Variants in ACOX2 observed in about 807,000 individuals in gnomAD.
ACOX2 encodes peroxisomal acyl-coenzyme A oxidase 2.
In ACOX2, 59 loss-of-function variants were observed where a neutral mutation model predicts 77.5. The ratio of observed to expected loss-of-function variants is 0.76; its 90% CI spans 0.62 to 0.95. The LOEUF (loss-of-function observed/expected upper bound fraction) is 0.95. Among genes scored for constraint, ACOX2 ranks in the 40% least tolerant of loss-of-function variants. The probability of loss-of-function intolerance (pLI) is 0.00; values close to 1 mark genes in which losing one functional copy is unlikely to be tolerated. For missense variants in ACOX2, 837 were observed against 880.4 expected (o/e 0.95, Z 0.62); for synonymous variants, 317 against 340.1 (o/e 0.93, Z 0.75).
chr3:58,525,945 G>A lies in ACOX2; in HGVS notation c.1346+521C>T, dbSNP rs1022331600. 1.3e-5 allele frequency among the ~76,000 whole-genome samples: 2 copies of A among 151,914 alleles called. No homozygotes were observed. Among genetic ancestry groups the A allele is most frequent in the Admixed American group, 6.6e-5 (1 of 15,266 alleles). ...GGCAGGAGAATTGCTTGAACCCGGC[G>A]GGCAGAGGTTGCAGTGAGCCGAGAT... is the stretch of plus-strand genomic sequence containing the variant. On this transcript the variant is annotated intron_variant, in intron 10 of 14. Transcript: ENST00000302819. This position sits in a 1 kb window ranked among gnomAD's most constrained non-coding sequence, Gnocchi z 5.0.
In ACOX2 at chr3:58,531,261, C is replaced by T. The variant is rs1325449524; in HGVS notation, c.809G>A (p.Arg270His). ...CCCCAGATCTGTAACCTGTGCAAAG[C>T]GACTCAGCATGTTCTCCCTGGGGAC... Reference protein sequence around the residue: ...VRVPRENMLSRFAQVLPDGTY... With the variant: ...VRVPRENMLSHFAQVLPDGTY... The change falls in exon 7 of 15, where the codon CGC becomes CAC. Residue 270 changes from arginine (R) to histidine (H), a missense_variant. Coordinates refer to ENST00000302819, the MANE Select transcript of ACOX2 (RefSeq NM_003500.4). This position sits in a 1 kb window ranked among gnomAD's most constrained non-coding sequence, Gnocchi z 5.8. 24 of 1,612,416 alleles carry T rather than the reference C, an allele frequency of 1.5e-5. No individual in the cohort carries two copies. Among genetic ancestry groups the T allele is most frequent in the Non-Finnish European group, 1.7e-5 (20 of 1,179,862 alleles).
chr3:58,520,778 G>A (rs1318707900), intron 12 of ACOX2, among the ~76,000 whole-genome samples: 1 of 152,176 alleles, frequency 6.6e-6, no homozygotes, highest in Admixed American at 6.5e-5. Flanking sequence ...AAGCTGTCAG[G>A]GACGTGTTCT....
chr3:58,517,224 T>A lies in ACOX2; in HGVS notation c.1832A>T (p.Asp611Val). 1 of 1,613,984 alleles carries A rather than the reference T, an allele frequency of 6.2e-7. No individual in the cohort carries two copies. Among genetic ancestry groups the A allele is most frequent in the South Asian group, 1.1e-5 (1 of 91,056 alleles). ...CACTCACCGGATCAGGCGGAGCAGG[T>A]CCAGGTAGGCTGTTCTTGCCATGTC... ...QVDMARTAYLDLLRLIRKDAI... is the reference protein window; with the variant it reads ...QVDMARTAYLVLLRLIRKDAI... The change falls in exon 13 of 15, where the codon GAC becomes GTC. Residue 611 changes from aspartate (D) to valine (V), a missense_variant. Asp to Val is a radical substitution (Grantham distance 152, BLOSUM62 -3). Transcript: ENST00000302819.
Position 58,533,379 on chromosome 3 carries a change from C to T in ACOX2, c.583+66G>A. On this transcript the variant is annotated intron_variant, in intron 5 of 14. Transcript: ENST00000302819. The surrounding 1 kb of genome is among the most constrained non-coding windows in gnomAD (Gnocchi z 5.6). The stretch of plus-strand genomic sequence containing the variant: ...GGTCTGTTGGACCTCAAAGCCAGTG[C>T]TACTCTGCCCTCCAACATTCTTCTA... 1.4e-6 allele frequency: 2 copies of T among 1,438,948 alleles called. No homozygotes were observed. Among genetic ancestry groups the T allele is most frequent in the Non-Finnish European group, 1.9e-6 (2 of 1,027,670 alleles). 89.1% of individuals were successfully genotyped at this position (1,438,948 alleles called of 1,614,324 possible). A position where few individuals can be genotyped will look rare whatever the true frequency, so the allele number is the denominator to read the frequency against.
chr3:58,517,104 T>C (rs2063326269), intron 13 of ACOX2, 102 bp downstream of exon 13: 2 of 1,237,882 alleles, frequency 1.6e-6, no homozygotes, highest in African/African-American at 3.0e-5. Flanking sequence ...GGGCTGTTGC[T>C]GCTCTGCCCA....
At position 58,505,774 on chromosome 3, in the gene ACOX2, G is replaced by T. The variant is rs2063229810; in HGVS notation, c.1984-488C>A. Among the ~76,000 whole-genome samples, 1 of 151,056 alleles carries T rather than the reference G, an allele frequency of 6.6e-6. No individual in the cohort carries two copies. Among genetic ancestry groups the T allele is most frequent in the Non-Finnish European group, 1.5e-5 (1 of 67,862 alleles). On this transcript the variant is annotated intron_variant, in intron 14 of 14. Coordinates refer to ENST00000302819, the MANE Select transcript of ACOX2 (RefSeq NM_003500.4). The surrounding 1 kb of genome is among the most constrained non-coding windows in gnomAD (Gnocchi z 4.4). ...GTGCCTGTCTACACTAAAACTGTAA[G>T]CTCCTCGAACACTGGGCTTTTGACT...
chr3:58,525,181 G>C lies in ACOX2; in HGVS notation c.1347-576C>G, dbSNP rs981037525. On this transcript the variant is annotated intron_variant, in intron 10 of 14. Coordinates refer to ENST00000302819, the MANE Select transcript of ACOX2 (RefSeq NM_003500.4). This position sits in a 1 kb window ranked among gnomAD's most constrained non-coding sequence, Gnocchi z 5.0. ...GAGGACAGTTCTCATCTGATTGAGG[G>C]TTTGTGAAATGGAATGAGATGATAT... Among the ~76,000 whole-genome samples the C allele has an allele frequency of 6.6e-6, 1 of 152,144 alleles. No individual in the cohort carries two copies. The highest frequency in any genetic ancestry group is 6.5e-5 in the Admixed American group (1 of 15,288).
intron 8 of ACOX2, chr3:58,529,178 C>T (rs1182972796): frequency 1.9e-5 from 8 of 415,046 alleles, no homozygotes; most frequent in Non-Finnish European, 2.9e-5. Flanking sequence ...GGGTACTGCC[C>T]CTTGTTAAGG....
Position 58,526,811 on chromosome 3 carries a change from G to T in ACOX2, c.1156-155C>A. The T allele has an allele frequency of 1.2e-6, 1 of 800,342 alleles. No homozygotes were observed. The highest frequency in any genetic ancestry group is 1.8e-5 in the South Asian group (1 of 54,314). 49.6% of individuals were successfully genotyped at this position (800,342 alleles called of 1,614,324 possible). A position where few individuals can be genotyped will look rare whatever the true frequency, so the allele number is the denominator to read the frequency against. On this transcript the variant is annotated intron_variant, in intron 9 of 14. Coordinates refer to ENST00000302819, the MANE Select transcript of ACOX2 (RefSeq NM_003500.4). This position sits in a 1 kb window ranked among gnomAD's most constrained non-coding sequence, Gnocchi z 4.3. The stretch of plus-strand genomic sequence containing the variant: ...CACAACTTTATGAATGAGAAGGCGG[G>T]TACTCAGCTTATGTGACTCACCCAG...
intron 14 of ACOX2, among the ~76,000 whole-genome samples, chr3:58,508,270 C>G (rs1365129177): frequency 1.3e-5 from 2 of 152,138 alleles, no homozygotes; most frequent in African/African-American, 4.8e-5. Flanking sequence ...ATGTAGAGTT[C>G]TGGTGTGCTC....
Position 58,526,014 on chromosome 3 carries a change from C to T in ACOX2, c.1346+452G>A, listed in dbSNP as rs556687640. 7.1e-6 allele frequency among the ~76,000 whole-genome samples: 1 copy of T among 141,194 alleles called. No individual in the cohort carries two copies. The highest frequency in any genetic ancestry group is 2.0e-4 in the East Asian group (1 of 4,882). 92.6% of individuals were successfully genotyped at this position (141,194 alleles called of 152,430 possible). On this transcript the variant is annotated intron_variant, in intron 10 of 14. Coordinates refer to ENST00000302819, the MANE Select transcript of ACOX2 (RefSeq NM_003500.4). The surrounding 1 kb of genome is among the most constrained non-coding windows in gnomAD (Gnocchi z 4.3). ...CCTGGGTGACAGTGAGACTCCATCT[C>T]AAAAAAAAAAAGAAGAAGAAGAAGT...
rs1290786871 is a variant in ACOX2, at chr3:58,526,635, T to A, written c.1177A>T (p.Met393Leu). ...CAGAATTCTGACATCATGGCCTTCA[T>A]GCCCGTGCTCAGTGCGTGGAGCTGT... The part of the protein sequence containing the change: ...LPELHALSTG[M>L]KAMMSEFCTQ... The change falls in exon 10 of 15, where the codon ATG becomes TTG. Residue 393 changes from methionine to leucine, a missense_variant. Physicochemically the swap from Met to Leu is conservative, Grantham distance 15. Transcript: ENST00000302819. This position sits in a 1 kb window ranked among gnomAD's most constrained non-coding sequence, Gnocchi z 4.3. 1.9e-6 allele frequency: 3 copies of A among 1,613,998 alleles called. No individual in the cohort carries two copies. In the African/African-American group the frequency reaches 4.0e-5, roughly 22 times the overall value.
rs1346410753 is a variant in ACOX2, at chr3:58,528,995, G to A, written c.993-39C>T. ...AACCAGAAGATTTAGATCACTACCT[G>A]TTGTGTCCACCTTCCCCTATCCCCG... On this transcript the variant is annotated intron_variant, in intron 8 of 14. Transcript: ENST00000302819. The surrounding 1 kb of genome is among the most constrained non-coding windows in gnomAD (Gnocchi z 5.6). The A allele has an allele frequency of 1.4e-5, 21 of 1,545,352 alleles. No homozygotes were observed. The highest frequency in any genetic ancestry group is 1.8e-5 in the Non-Finnish European group (21 of 1,143,482).
At position 58,528,514 on chromosome 3, in the gene ACOX2, CT is replaced by C. The variant is rs2108006034; in HGVS notation, c.1155+279del. ...AGTTCCAAACAACTGTTTTTCGGAGCTTTTCAGGTTTCAAATACACATCAGG... is the reference window on the plus strand; with the variant it reads ...AGTTCCAAACAACTGTTTTTCGGAGCTTTCAGGTTTCAAATACACATCAGG... On this transcript the variant is annotated intron_variant, in intron 9 of 14. Transcript: ENST00000302819. The surrounding 1 kb of genome is among the most constrained non-coding windows in gnomAD (Gnocchi z 5.6). 6.6e-6 allele frequency among the ~76,000 whole-genome samples: 1 copy of C among 152,334 alleles called. No individual in the cohort carries two copies. The highest frequency in any genetic ancestry group is 2.1e-4 in the South Asian group (1 of 4,832).
rs373386351 is a variant in ACOX2 at position 58,505,893 on chromosome 3, C to T, written c.1984-607G>A. Among the ~76,000 whole-genome samples the T allele has an allele frequency of 3.0e-4, 45 of 152,162 alleles. No individual in the cohort carries two copies. In the South Asian group the frequency reaches 7.3e-3, roughly 25 times the overall value. On this transcript the variant is annotated intron_variant, in intron 14 of 14. Transcript: ENST00000302819. This position sits in a 1 kb window ranked among gnomAD's most constrained non-coding sequence, Gnocchi z 4.4. Reference sequence around the variant, plus strand: ...GCAACTTCCGCCTCCTGGGTTCAAGCGATTCTTGTGCCTCAGCCTCCCGAG... The same window carrying T: ...GCAACTTCCGCCTCCTGGGTTCAAGTGATTCTTGTGCCTCAGCCTCCCGAG...
rs2063295476 is a variant in ACOX2 at position 58,512,492 on chromosome 3, A to G, written c.1851-3467T>C. Among the ~76,000 whole-genome samples the G allele has an allele frequency of 6.6e-6, 1 of 152,232 alleles. No homozygotes were observed. Among genetic ancestry groups the G allele is most frequent in the Non-Finnish European group, 1.5e-5 (1 of 68,002 alleles). On this transcript the variant is annotated intron_variant, in intron 13 of 14. Transcript: ENST00000302819. The surrounding 1 kb of genome is among the most constrained non-coding windows in gnomAD (Gnocchi z 4.8). ...TCTATCCAATGCTCAAAACCCTCCC[A>G]TTCTATCCCATGCTCAAAACCCTCG...
intron 13 of ACOX2, 108 bp from the exon 14 acceptor site, chr3:58,509,133 C>T: frequency 7.6e-7 from 1 of 1,319,926 alleles, no homozygotes; most frequent in Non-Finnish European, 1.1e-6. Flanking sequence ...TGATTATTCG[C>T]TTTTCAAACA....
rs2063373492 is a variant in ACOX2, at chr3:58,523,478, C to A, written c.1527-877G>T. The stretch of plus-strand genomic sequence containing the variant: ...TTTTTGGAATAAATAAATGAATGTT[C>A]CAAGTTGCTTGTGATCTTGAAATAA... On this transcript the variant is annotated intron_variant, in intron 11 of 14. Transcript: ENST00000302819. The surrounding 1 kb of genome is among the most constrained non-coding windows in gnomAD (Gnocchi z 5.3). Among the ~76,000 whole-genome samples the A allele has an allele frequency of 6.6e-6, 1 of 152,170 alleles. No homozygotes were observed. The highest frequency in any genetic ancestry group is 1.9e-4 in the East Asian group (1 of 5,200).
rs2063469294 is a variant in ACOX2 at position 58,534,840 on chromosome 3, C to G, written c.160+107G>C. ...GAATGAATCTCTAACAGTGGAATTTCAAGGGCAAAGTTTGTTATTTGGAAG... is the reference window on the plus strand; with the variant it reads ...GAATGAATCTCTAACAGTGGAATTTGAAGGGCAAAGTTTGTTATTTGGAAG... On this transcript the variant is annotated intron_variant, in intron 2 of 14. Transcript: ENST00000302819. The surrounding 1 kb of genome is among the most constrained non-coding windows in gnomAD (Gnocchi z 4.8). The G allele has an allele frequency of 4.5e-6, 7 of 1,544,846 alleles. No homozygotes were observed. In the Middle Eastern group the frequency reaches 5.3e-4, roughly 117 times the overall value.
Sources: gnomAD v4.1 joint callset for allele counts (sites outside exome capture counted in the v4.1 genomes callset) on GRCh38, gnomAD v4.1.1 for gene constraint, Gnocchi (gnomAD v3.1) non-coding constraint, MANE v1.5 for transcripts, NCBI Gene and HGNC (gene_info 2026-07-23, HGNC 2026-07-21) for gene names.